LINGO2: variants seen among roughly 807,000 people sequenced by gnomAD.
LINGO2 encodes the protein leucine-rich repeat and immunoglobulin-like domain-containing nogo receptor-interacting protein 2.
LINGO2 carries 14 observed loss-of-function variants against 30.6 expected under a neutral mutation model. The observed-to-expected ratio is 0.46, with a 90% CI of 0.30 to 0.72. The LOEUF (loss-of-function observed/expected upper bound fraction) is 0.72. Ranked by LOEUF, LINGO2 falls within the 30% of genes least tolerant of loss-of-function variation. The pLI, the probability that LINGO2 is intolerant of heterozygous loss-of-function variation, is 0.07. For synonymous variants in LINGO2, 317 were observed against 288.5 expected (o/e 1.10, Z -1.00); for missense variants, 729 against 751.7 (o/e 0.97, Z 0.35).
chr9:28,884,949 A>T, the LINGO2 span, among the ~76,000 whole-genome samples: 1 of 3,926 alleles, frequency 2.5e-4, no homozygotes, highest in African/African-American at 4.2e-4. Context: ...AATATATATA[A>T]TATATAATAT....
At chr9:28,621,380 CA>C (rs1207377988) in intron 1 of LINGO2, among the ~76,000 whole-genome samples, 1 of 150,778 alleles carries the variant, frequency 6.6e-6, no homozygotes, top group Non-Finnish European at 1.5e-5. Context: ...TCTGTCTTTC[CA>C]AAATGTTTTC....
intron 3 of LINGO2, among the ~76,000 whole-genome samples, chr9:28,311,464 C>T: frequency 6.6e-6 from 1 of 152,090 alleles, no homozygotes; most frequent in East Asian, 1.9e-4. Flanking sequence ...TTATTACATC[C>T]CTACAGCTTC....
the LINGO2 span, among the ~76,000 whole-genome samples, chr9:28,835,911 C>G: frequency 6.6e-6 from 1 of 152,148 alleles, no homozygotes; most frequent in Non-Finnish European, 1.5e-5. Context: ...CTCTACATCT[C>G]TTTTCTCTTT....
chr9:28,260,302 A>G (rs569739084), intron 4 of LINGO2, among the ~76,000 whole-genome samples: 4 of 150,270 alleles, frequency 2.7e-5, no homozygotes, highest in South Asian at 2.1e-4. Flanking sequence ...CTAATGCTTC[A>G]CTCTTGAAAA....
intron 4 of LINGO2, among the ~76,000 whole-genome samples, chr9:28,224,291 C>T (rs1309357833): frequency 6.6e-6 from 1 of 152,180 alleles, no homozygotes; most frequent in East Asian, 1.9e-4. Context: ...GTCTCGATCT[C>T]CTGACCTCGT....
the LINGO2 span, among the ~76,000 whole-genome samples, chr9:28,702,013 T>C: frequency 6.6e-6 from 1 of 151,912 alleles, no homozygotes; most frequent in Admixed American, 6.6e-5. Context: ...TCCAGGACTT[T>C]GTTGTTGTTG....
chr9:29,101,999 T>C, the LINGO2 span, among the ~76,000 whole-genome samples: 3 of 152,180 alleles, frequency 2.0e-5, no homozygotes, highest in Non-Finnish European at 4.4e-5. Flanking sequence ...TAGTGCTTTA[T>C]AAAAGTATTT....
At chr9:28,170,249 C>T (rs1282658710) in intron 4 of LINGO2, among the ~76,000 whole-genome samples, 2 of 152,158 alleles carry the variant, frequency 1.3e-5, no homozygotes, top group East Asian at 1.9e-4. Context: ...TGAACAGACA[C>T]TACATGACAT....
chr9:28,600,928 G>T (rs548096578), intron 1 of LINGO2, among the ~76,000 whole-genome samples: 1 of 152,066 alleles, frequency 6.6e-6, no homozygotes, highest in African/African-American at 2.4e-5. Context: ...TAAATCCATA[G>T]ATTAACAAAA....
At chr9:28,420,480 G>A (rs559523515) in intron 2 of LINGO2, among the ~76,000 whole-genome samples, 27 of 151,952 alleles carry the variant, frequency 1.8e-4, no homozygotes, top group African/African-American at 3.1e-4. Context: ...ATAAAGATTC[G>A]CTTCATCTAT....
the LINGO2 span, among the ~76,000 whole-genome samples, chr9:28,948,256 T>A: frequency 4.6e-5 from 7 of 152,110 alleles, no homozygotes; most frequent in Admixed American, 1.3e-4. Context: ...ATAATTTGAA[T>A]ATATAGCTTT....
At chr9:28,284,374 C>A (rs537804830) in intron 4 of LINGO2, among the ~76,000 whole-genome samples, 2 of 152,240 alleles carry the variant, frequency 1.3e-5, no homozygotes, top group South Asian at 4.1e-4. Flanking sequence ...AAGACTGGAC[C>A]AACCCAAAAC....
At chr9:28,003,312 GT>G (rs1202184137) in intron 5 of LINGO2, among the ~76,000 whole-genome samples, 1 of 151,270 alleles carries the variant, frequency 6.6e-6, no homozygotes, top group South Asian at 2.1e-4. Flanking sequence ...ATTTTTATTA[GT>G]TTTTGTTAAC....
At chr9:28,084,638 G>A (rs1825859967) in intron 4 of LINGO2, among the ~76,000 whole-genome samples, 2 of 152,032 alleles carry the variant, frequency 1.3e-5, no homozygotes, top group African/African-American at 4.8e-5. Context: ...CCCAGTAGTA[G>A]GTGAAAAAGC....
the LINGO2 span, among the ~76,000 whole-genome samples, chr9:29,005,215 G>A: frequency 6.8e-4 from 104 of 151,922 alleles, no homozygotes; most frequent in Non-Finnish European, 1.2e-3. Context: ...GCTTAAAAAC[G>A]TTTCTTGGAG....
the LINGO2 span, among the ~76,000 whole-genome samples, chr9:28,925,088 C>T: frequency 6.6e-6 from 1 of 152,186 alleles, no homozygotes; most frequent in Non-Finnish European, 1.5e-5. Flanking sequence ...CTGATTTTAT[C>T]ATCCCACATT....
chr9:29,145,225 G>A, the LINGO2 span, among the ~76,000 whole-genome samples: 11 of 152,208 alleles, frequency 7.2e-5, no homozygotes, highest in East Asian at 1.9e-4. Context: ...TCAGTCATGC[G>A]TTTTGATTGT....
At chr9:27,956,007 T>C (rs555658017) in intron 5 of LINGO2, among the ~76,000 whole-genome samples, 1 of 151,200 alleles carries the variant, frequency 6.6e-6, no homozygotes, top group East Asian at 2.0e-4. Context: ...TGGCATGATC[T>C]TGGCTCACTG....
chr9:28,467,140 C>T (rs1213609647), intron 2 of LINGO2, among the ~76,000 whole-genome samples: 1 of 152,070 alleles, frequency 6.6e-6, no homozygotes, highest in African/African-American at 2.4e-5. Context: ...ATTCTCCTGC[C>T]TCAGCCTCCC....
Sources: allele counts gnomAD v4.1 joint callset (sites outside exome capture counted in the v4.1 genomes callset), GRCh38; gene constraint gnomAD v4.1.1; transcripts MANE v1.5; gene names NCBI Gene and HGNC (gene_info 2026-07-23, HGNC 2026-07-21).